RIMS2: variants seen among roughly 807,000 people sequenced by gnomAD.
RIMS2 encodes regulating synaptic membrane exocytosis protein 2.
In RIMS2, 59 loss-of-function variants were observed where a neutral mutation model predicts 174.4. The observed-to-expected ratio is 0.34, with a 90% CI of 0.27 to 0.42. The LOEUF (loss-of-function observed/expected upper bound fraction) is 0.42. Ranked by LOEUF, RIMS2 falls within the 10% of genes least tolerant of loss-of-function variation. The pLI, the probability that RIMS2 is intolerant of heterozygous loss-of-function variation, is 1.00. For synonymous variants in RIMS2, 606 were observed against 572.5 expected, an observed-to-expected ratio of 1.06 and a Z score of -0.84; for missense variants, 1,620 against 1,666.3, an observed-to-expected ratio of 0.97 and a Z score of 0.48.
At chr8:103,886,006 A>T (rs748801916) in exon 4 of RIMS2, 1 of 1,613,106 alleles carries the variant, frequency 6.2e-7, no homozygotes, top group South Asian at 1.1e-5. Flanking sequence ...TAAGAAAAAC[A>T]AAACGGGAAA....
intron 13 of RIMS2, among the ~76,000 whole-genome samples, chr8:103,939,165 T>A (rs1490829791): frequency 6.6e-6 from 1 of 152,174 alleles, no homozygotes; most frequent in Non-Finnish European, 1.5e-5. Flanking sequence ...ACATTTCCCT[T>A]CTGCACTGCC....
chr8:103,988,492 T>C (rs2094496909), intron 16 of RIMS2, among the ~76,000 whole-genome samples: 1 of 152,164 alleles, frequency 6.6e-6, no homozygotes, highest in African/African-American at 2.4e-5. Context: ...GGAGTTTCGC[T>C]CTTGTTGCCC....
At chr8:103,950,351 A>T (rs2085058437) in intron 14 of RIMS2, among the ~76,000 whole-genome samples, 1 of 152,206 alleles carries the variant, frequency 6.6e-6, no homozygotes, top group Admixed American at 6.5e-5. Context: ...TGAAAATTTT[A>T]GCAAATTTAG....
At chr8:103,933,089 G>A (rs941277123) in intron 12 of RIMS2, among the ~76,000 whole-genome samples, 1 of 152,016 alleles carries the variant, frequency 6.6e-6, no homozygotes, top group Non-Finnish European at 1.5e-5. Context: ...TCAGGAGATC[G>A]AGCCCATCCT....
At chr8:103,737,175 C>CTTTTTTTTTTTTTTTTTTTTTTTT (rs554949027) in intron 2 of RIMS2, among the ~76,000 whole-genome samples, 35 of 67,530 alleles carry the variant, frequency 5.2e-4, no homozygotes, top group Non-Finnish European at 6.5e-4. Flanking sequence ...TTTCTTTGTT[C>CTTTTTTTTTTTTTTTTTTTTTTTT]TTTTTTTTTT....
chr8:103,629,043 G>A (rs2095852257), intron 1 of RIMS2, among the ~76,000 whole-genome samples: 1 of 152,114 alleles, frequency 6.6e-6, no homozygotes, highest in South Asian at 2.1e-4. Context: ...TAGTGAGAGA[G>A]GCCCCTGTTC....
At chr8:104,010,979 A>G (rs2095743798) in intron 17 of RIMS2, among the ~76,000 whole-genome samples, 1 of 152,164 alleles carries the variant, frequency 6.6e-6, no homozygotes, top group Non-Finnish European at 1.5e-5. Flanking sequence ...ATTATTTCCC[A>G]CTTTTCAGTT....
At chr8:104,168,168 T>G (rs2135270095) in intron 19 of RIMS2, among the ~76,000 whole-genome samples, 1 of 152,248 alleles carries the variant, frequency 6.6e-6, no homozygotes, top group East Asian at 1.9e-4. Flanking sequence ...TGGTTCCATA[T>G]AAATTTTAGG....
intron 19 of RIMS2, among the ~76,000 whole-genome samples, chr8:104,018,491 A>G (rs2095989079): frequency 6.6e-6 from 1 of 152,204 alleles, no homozygotes; most frequent in South Asian, 2.1e-4. Flanking sequence ...AATTTACCCA[A>G]CTGGCTAAAT....
intron 13 of RIMS2, among the ~76,000 whole-genome samples, chr8:103,940,605 T>C (rs1001468875): frequency 2.6e-5 from 4 of 151,848 alleles, no homozygotes; most frequent in Non-Finnish European, 5.9e-5. Flanking sequence ...GTGGTAAAAC[T>C]AAAAACCCTT....
chr8:104,181,719 C>T (rs2098940987), intron 19 of RIMS2, among the ~76,000 whole-genome samples: 1 of 151,492 alleles, frequency 6.6e-6, no homozygotes, highest in South Asian at 2.1e-4. Context: ...AAAATAATGG[C>T]ACATTTTACT....
intron 19 of RIMS2, among the ~76,000 whole-genome samples, chr8:104,037,682 G>T (rs1450605920): frequency 6.6e-6 from 1 of 152,004 alleles, no homozygotes; most frequent in East Asian, 1.9e-4. Context: ...TTTTACTTTG[G>T]CAAGGAAAGA....
At chr8:103,758,852 T>G (rs1000939868) in intron 2 of RIMS2, among the ~76,000 whole-genome samples, 2 of 152,154 alleles carry the variant, frequency 1.3e-5, no homozygotes, top group Admixed American at 1.3e-4. Flanking sequence ...TTGGGAAAAG[T>G]AATAGAGAGG....
chr8:103,759,336 C>G (rs374325782), intron 2 of RIMS2, among the ~76,000 whole-genome samples: 19 of 152,056 alleles, frequency 1.2e-4, no homozygotes, highest in African/African-American at 4.6e-4. Flanking sequence ...GAGGCCGAGG[C>G]AGGCGGATCA....
chr8:104,251,836 T>C (rs775387974), exon 24 of RIMS2: 49 of 1,487,388 alleles, frequency 3.3e-5, no homozygotes, highest in Non-Finnish European at 4.4e-5. Flanking sequence ...GTAAAAAAAT[T>C]GTTGTCACAG....
Position 104,059,933 on chromosome 8 carries a change from G to T in RIMS2, c.3334+45318G>T, listed in dbSNP as rs184470699. Among the ~76,000 whole-genome samples the T allele has an allele frequency of 1.2e-4, 18 of 152,180 alleles. No homozygotes were observed. The East Asian group carries it at 3.3e-3, about 28-fold the overall frequency. ...CAGGGATGAATCCCACTTGGTCATG[G>T]TGGATAAGCTTTTTGATGTGCTGCT... On this transcript the variant is annotated intron_variant, in intron 19 of 23. Coordinates refer to ENST00000504942, the Ensembl canonical transcript of RIMS2.
intron 2 of RIMS2, among the ~76,000 whole-genome samples, chr8:103,708,525 G>A (rs2097261870): frequency 6.6e-6 from 1 of 152,102 alleles, no homozygotes; most frequent in African/African-American, 2.4e-5. Context: ...TTTTTGTGTA[G>A]ATAGTTGTTC....
At chr8:104,249,060 C>T (rs888120143) in intron 21 of RIMS2, among the ~76,000 whole-genome samples, 2 of 151,728 alleles carry the variant, frequency 1.3e-5, no homozygotes, top group South Asian at 4.2e-4. Context: ...TCCCAAGTAG[C>T]TGGGACTACA....
At chr8:103,909,017 C>A (rs1302218271) in intron 4 of RIMS2, among the ~76,000 whole-genome samples, 1 of 152,084 alleles carries the variant, frequency 6.6e-6, no homozygotes. Flanking sequence ...TTTTATAGCA[C>A]CATGTCACAT....
Sources: gnomAD v4.1 joint callset for allele counts (sites outside exome capture counted in the v4.1 genomes callset) on GRCh38, gnomAD v4.1.1 for gene constraint, MANE v1.5 for transcripts, NCBI Gene and HGNC (gene_info 2026-07-23, HGNC 2026-07-21) for gene names.